OGFOD2: variants seen among roughly 807,000 people sequenced by gnomAD.
OGFOD2 encodes the protein 2-oxoglutarate and iron dependent oxygenase domain containing 2.
A neutral mutation model predicts 31.1 loss-of-function variants in OGFOD2; 34 were observed. The ratio of observed to expected loss-of-function variants is 1.09; its 90% confidence interval spans 0.83 to 1.45. The LOEUF (loss-of-function observed/expected upper bound fraction) is 1.45. Ranked by LOEUF, OGFOD2 falls within the 40% of genes most tolerant of loss-of-function variation. The probability of loss-of-function intolerance (pLI) is 0.00; values close to 1 mark genes in which losing one functional copy is unlikely to be tolerated. For synonymous variants in OGFOD2, 240 were observed against 192.3 expected (o/e 1.25, Z -2.05); for missense variants, 537 against 433.9 (o/e 1.24, Z -2.11).
At position 122,976,666 on chromosome 12, in the gene OGFOD2, G is replaced by A. The variant is rs769926090; in HGVS notation, c.202G>A (p.Val68Met). 5.0e-6 allele frequency: 8 copies of A among 1,607,516 alleles called. No homozygotes were observed. Among genetic ancestry groups the A allele is most frequent in the African/African-American group, 1.3e-5 (1 of 74,822 alleles). ...TGTGCCACCCCAGCTTGAGCAGGAG[G>A]TGGAGCGGCGGCAGCGGCTGGGGCA... Residue 68 changes from valine (V) to methionine (M), a missense_variant, in exon 3 of 7, where the codon GTG becomes ATG. By Grantham distance (21) the Val-to-Met change is conservative (BLOSUM62 1). Coordinates refer to ENST00000228922, the Ensembl canonical transcript of OGFOD2.
At chr12:122,978,962 G>C (rs1215471923) in exon 6 of OGFOD2, 1 of 1,613,260 alleles carries the variant, frequency 6.2e-7, no homozygotes, top group Non-Finnish European at 8.5e-7. Context: ...ATGTGGCCTT[G>C]GGCAAGGTCT....
intron 2 of OGFOD2, chr12:122,976,400 A>G (rs759807277): frequency 6.2e-7 from 1 of 1,613,758 alleles, no homozygotes; most frequent in East Asian, 2.2e-5. Context: ...CAGATGGTTG[A>G]GGTACATCTA....
In OGFOD2 at chr12:122,976,782, G is replaced by T; in HGVS notation, c.303+15G>T. On this transcript the variant is annotated intron_variant, in intron 3 of 6. Coordinates refer to ENST00000228922, the Ensembl canonical transcript of OGFOD2. ...ACTCACTGCAGGTACCAGCCAGCCA[G>T]AGTGCTTGAAGGCCGGTACTGGAAA... 6.2e-7 allele frequency: 1 copy of T among 1,609,402 alleles called. No homozygotes were observed.
intron 1 of OGFOD2, 146 bp downstream of exon 1, chr12:122,975,529 T>TA (rs1227574538): frequency 1.7e-6 from 1 of 594,338 alleles, no homozygotes; most frequent in African/African-American, 1.9e-5. Flanking sequence ...GCCTCGGTTT[T>TA]CTCACCGTAA....
At chr12:122,975,670 A>G (rs2037398186) in intron 1 of OGFOD2, 141 bp from the exon 2 acceptor site, 2 of 637,560 alleles carry the variant, frequency 3.1e-6, no homozygotes, top group Non-Finnish European at 5.8e-6. Context: ...TGAGCTTGAC[A>G]GGGTTCCGCA....
intron 2 of OGFOD2, 35 bp downstream of exon 2, chr12:122,975,902 G>A (rs1049195863): frequency 3.0e-5 from 21 of 694,390 alleles, no homozygotes; most frequent in Admixed American, 6.0e-5. Flanking sequence ...GCTCCTCCTC[G>A]TTAGATTTGT....
exon 6 of OGFOD2, chr12:122,978,927 T>C (rs755283972): frequency 1.1e-5 from 18 of 1,613,184 alleles, no homozygotes; most frequent in African/African-American, 8.0e-5. Flanking sequence ...GGGCTGCCAC[T>C]ATGATAATGC....
At chr12:122,975,750 T>A (rs1379250218) in intron 1 of OGFOD2, 61 bp from the exon 2 acceptor site, 1 of 683,968 alleles carries the variant, frequency 1.5e-6, no homozygotes, top group Non-Finnish European at 2.7e-6. Flanking sequence ...AACTGAGGCT[T>A]AGAGAGTGAA....
rs2037492324 is a variant in OGFOD2 at position 122,978,290 on chromosome 12, GCTC to G, written c.404-148_404-146del. The G allele has an allele frequency of 8.7e-6, 8 of 922,562 alleles. No homozygotes were observed. The East Asian group carries it at 1.6e-4, about 19-fold the overall frequency. 57.1% of individuals were successfully genotyped at this position (922,562 alleles called of 1,614,324 possible). A position where few individuals can be genotyped will look rare whatever the true frequency, so the allele number is the denominator to read the frequency against. On this transcript the variant is annotated intron_variant, in intron 4 of 6. Coordinates refer to ENST00000228922, the Ensembl canonical transcript of OGFOD2. ...GGGGGCATGGGAATCGGCCTCCCCT[GCTC>G]CTCATGTTACTTCCTTAAGTCATCA... is the stretch of plus-strand genomic sequence containing the variant.
chr12:122,978,324 G>A (rs2037493364), intron 4 of OGFOD2, 118 bp from the exon 5 acceptor site: 2 of 1,276,924 alleles, frequency 1.6e-6, no homozygotes, highest in Non-Finnish European at 2.2e-6. Flanking sequence ...CATCACAATA[G>A]CCCTGAAAAG....
At chr12:122,976,969 G>A (rs201760727) in exon 4 of OGFOD2, 47 of 1,613,120 alleles carry the variant, frequency 2.9e-5, no homozygotes, top group African/African-American at 4.0e-5. Context: ...AGACAGTATC[G>A]GGTGAGGTCC....
Position 122,975,887 on chromosome 12 carries a change from G to T in OGFOD2, c.189+20G>T, listed in dbSNP as rs886756933. 2.9e-6 allele frequency: 2 copies of T among 699,282 alleles called. No individual in the cohort carries two copies. The highest frequency in any genetic ancestry group is 5.2e-6 in the Non-Finnish European group (2 of 382,018). 43.3% of individuals were successfully genotyped at this position (699,282 alleles called of 1,614,324 possible). ...GCAGAGGTACCAGTCCCCTGCCCCT[G>T]CACAGCTCCTCCTCGTTAGATTTGT... On this transcript the variant is annotated intron_variant, in intron 2 of 6. Coordinates refer to ENST00000228922, the Ensembl canonical transcript of OGFOD2.
exon 7 of OGFOD2, chr12:122,979,259 T>C (rs751081729): frequency 6.2e-7 from 1 of 1,612,962 alleles, no homozygotes; most frequent in Non-Finnish European, 8.5e-7. Context: ...TGTGCTGCCG[T>C]GAGCCCGACC....
exon 1 of OGFOD2, chr12:122,975,253 T>G (rs1215114629): frequency 7.4e-6 from 5 of 679,602 alleles, no homozygotes; most frequent in Non-Finnish European, 1.3e-5. Flanking sequence ...TGCTTCACTA[T>G]GGCGACGGTG....
At chr12:122,979,009 A>G in exon 6 of OGFOD2, 1 of 1,612,546 alleles carries the variant, frequency 6.2e-7, no homozygotes, top group South Asian at 1.1e-5. Flanking sequence ...GGCCTCTTCC[A>G]GGTGAGTGTG....
intron 2 of OGFOD2, chr12:122,976,182 A>G (rs779969996): frequency 6.0e-5 from 36 of 597,412 alleles, no homozygotes; most frequent in Non-Finnish European, 9.9e-5. Flanking sequence ...CTTTTACAGC[A>G]GGAGCAGATG....
exon 7 of OGFOD2, chr12:122,979,657 A>G (rs896440755): frequency 2.3e-5 from 9 of 386,396 alleles, no homozygotes; most frequent in Admixed American, 1.2e-4. Context: ...ACAGTACCAC[A>G]GTGTGCCCAC....
At chr12:122,977,721 T>G (rs2037474056) in intron 4 of OGFOD2, 1 of 154,404 alleles carries the variant, frequency 6.5e-6, no homozygotes, top group Non-Finnish European at 1.4e-5. Flanking sequence ...GGGAGGCAGA[T>G]ACAAGTTTCC....
At chr12:122,979,862 G>C (rs1170307298) in exon 7 of OGFOD2, 2 of 235,014 alleles carry the variant, frequency 8.5e-6, no homozygotes, top group Non-Finnish European at 1.6e-5. Flanking sequence ...GATGGCAGAG[G>C]GGTGAATGGC....
Sources: gnomAD v4.1 joint callset for allele counts on GRCh38, gnomAD v4.1.1 for gene constraint, MANE v1.5 for transcripts, NCBI Gene and HGNC (gene_info 2026-07-23, HGNC 2026-07-21) for gene names.